The following RIMS2 variants were observed in gnomAD, a reference collection of about 807,000 sequenced individuals.
RIMS2 encodes the protein regulating synaptic membrane exocytosis protein 2.
A neutral mutation model predicts 174.4 loss-of-function variants in RIMS2; 59 were observed. That is an observed-to-expected ratio of 0.34 (90% confidence interval 0.27 to 0.42). RIMS2 has a LOEUF of 0.42. Ranked by LOEUF, RIMS2 falls within the 10% of genes least tolerant of loss-of-function variation. The probability of loss-of-function intolerance (pLI) is 1.00; values close to 1 mark genes in which losing one functional copy is unlikely to be tolerated. For missense variants in RIMS2, 1,620 were observed against 1,666.3 expected (o/e 0.97, Z 0.48); for synonymous variants, 606 against 572.5 (o/e 1.06, Z -0.84).
At chr8:104,184,501 T>C (rs1396083572) in intron 19 of RIMS2, among the ~76,000 whole-genome samples, 1 of 151,602 alleles carries the variant, frequency 6.6e-6, no homozygotes, top group African/African-American at 2.4e-5. Context: ...ACAATGTTTT[T>C]ATTGAAAAGC....
intron 2 of RIMS2, among the ~76,000 whole-genome samples, chr8:103,764,570 C>G (rs1479804903): frequency 6.6e-6 from 1 of 152,068 alleles, no homozygotes; most frequent in African/African-American, 2.4e-5. Flanking sequence ...TCTATTAAAA[C>G]TAATTATAGC....
chr8:103,801,826 G>A (rs762481749), intron 3 of RIMS2, among the ~76,000 whole-genome samples: 18 of 152,120 alleles, frequency 1.2e-4, no homozygotes, highest in Non-Finnish European at 2.5e-4. Flanking sequence ...TGAAGCACTT[G>A]CTTTTCAATA....
chr8:103,548,119 C>G (rs1050753054), intron 1 of RIMS2, among the ~76,000 whole-genome samples: 1 of 152,100 alleles, frequency 6.6e-6, no homozygotes. Context: ...TGAAACTATT[C>G]CAAAACAACT....
chr8:103,768,027 C>G (rs1006414312), intron 3 of RIMS2, among the ~76,000 whole-genome samples: 1 of 152,116 alleles, frequency 6.6e-6, no homozygotes, highest in African/African-American at 2.4e-5. Context: ...CAAACACTTA[C>G]AGTCAGCAGA....
chr8:103,595,325 C>T (rs1193343145), intron 1 of RIMS2, among the ~76,000 whole-genome samples: 9 of 151,738 alleles, frequency 5.9e-5, no homozygotes, highest in Non-Finnish European at 8.9e-5. Flanking sequence ...CTTACAAATA[C>T]AGTAAAAGGT....
At chr8:103,681,170 A>T (rs929557269) in intron 1 of RIMS2, among the ~76,000 whole-genome samples, 2 of 152,146 alleles carry the variant, frequency 1.3e-5, no homozygotes, top group East Asian at 3.9e-4. Context: ...ACAACACTAA[A>T]TTTGGATTTG....
At chr8:103,579,066 TACACAAAAACTGG>T (rs1285149488) in intron 1 of RIMS2, among the ~76,000 whole-genome samples, 2 of 151,818 alleles carry the variant, frequency 1.3e-5, no homozygotes. Context: ...CTTTCCCAGA[TACACAAAAACTGG>T]GAGAATTCAC....
rs565446815 is a variant in RIMS2, at chr8:103,966,137, G to A, written c.2770+5004G>A. 5.9e-5 allele frequency among the ~76,000 whole-genome samples: 9 copies of A among 152,090 alleles called. No individual in the cohort carries two copies. The East Asian group carries it at 1.5e-3, about 26-fold the overall frequency. Reference sequence around the variant, plus strand: ...TGGTTTTGATATTGAGGTAATACTGGCCTTATAAAATGAGTTAGAGAGTAG... The same window carrying A: ...TGGTTTTGATATTGAGGTAATACTGACCTTATAAAATGAGTTAGAGAGTAG... On this transcript the variant is annotated intron_variant, in intron 15 of 23. Coordinates refer to ENST00000504942, the Ensembl canonical transcript of RIMS2.
intron 19 of RIMS2, chr8:104,223,419 C>T: frequency 7.8e-7 from 1 of 1,283,066 alleles, no homozygotes; most frequent in Non-Finnish European, 9.8e-7. Flanking sequence ...CTCCGCCCGC[C>T]ACCGCCTCCA....
At chr8:104,217,307 T>C (rs972208567) in intron 19 of RIMS2, among the ~76,000 whole-genome samples, 3 of 152,130 alleles carry the variant, frequency 2.0e-5, no homozygotes, top group African/African-American at 4.8e-5. Context: ...CCTGCTTTGT[T>C]ACCCAGGCTG....
chr8:103,980,110 A>T (rs546167116), intron 16 of RIMS2, among the ~76,000 whole-genome samples: 1 of 152,290 alleles, frequency 6.6e-6, no homozygotes, highest in East Asian at 1.9e-4. Flanking sequence ...GCATGGCTAA[A>T]GGAGTGCTAG....
At chr8:104,146,207 A>G (rs1411784763) in intron 19 of RIMS2, among the ~76,000 whole-genome samples, 2 of 76,530 alleles carry the variant, frequency 2.6e-5, no homozygotes, top group South Asian at 1.5e-3. Context: ...CCTCTCCCAA[A>G]AAAAAAAAAA....
At chr8:103,753,364 G>A (rs991414260) in intron 2 of RIMS2, among the ~76,000 whole-genome samples, 11 of 152,100 alleles carry the variant, frequency 7.2e-5, no homozygotes, top group African/African-American at 2.7e-4. Context: ...TTTTTGCATC[G>A]ATGTTCATCA....
chr8:103,746,522 G>A (rs1174222998), intron 2 of RIMS2, among the ~76,000 whole-genome samples: 2 of 151,928 alleles, frequency 1.3e-5, no homozygotes, highest in Non-Finnish European at 2.9e-5. Flanking sequence ...GTGTCAGGGG[G>A]GTTCATTGTG....
intron 4 of RIMS2, among the ~76,000 whole-genome samples, chr8:103,907,519 C>T (rs1406144748): frequency 1.3e-5 from 2 of 151,758 alleles, no homozygotes; most frequent in African/African-American, 4.8e-5. Context: ...CTCCCTCCTT[C>T]CTTCCTTTTT....
chr8:103,610,530 T>C (rs1284214869), intron 1 of RIMS2, among the ~76,000 whole-genome samples: 2 of 152,228 alleles, frequency 1.3e-5, no homozygotes, highest in African/African-American at 4.8e-5. Context: ...ATTGCAGGTT[T>C]TTAACATGAA....
At chr8:104,067,368 A>G (rs778609554) in intron 19 of RIMS2, among the ~76,000 whole-genome samples, 10 of 152,152 alleles carry the variant, frequency 6.6e-5, no homozygotes, top group Non-Finnish European at 1.3e-4. Context: ...TGAGAAATGG[A>G]ATATTCCTAT....
At chr8:103,650,945 C>A (rs754568076) in intron 1 of RIMS2, among the ~76,000 whole-genome samples, 9 of 152,218 alleles carry the variant, frequency 5.9e-5, no homozygotes, top group Non-Finnish European at 8.8e-5. Flanking sequence ...ACTTTGCTCC[C>A]TGGACTCAGT....
At chr8:104,074,035 A>G (rs571606129) in intron 19 of RIMS2, among the ~76,000 whole-genome samples, 49 of 152,350 alleles carry the variant, frequency 3.2e-4, no homozygotes, top group African/African-American at 1.2e-3. Context: ...GTTTCATTTG[A>G]TTAGCACTTA....
Sources: allele counts gnomAD v4.1 joint callset (sites outside exome capture counted in the v4.1 genomes callset), GRCh38; gene constraint gnomAD v4.1.1; transcripts MANE v1.5; gene names NCBI Gene and HGNC (gene_info 2026-07-23, HGNC 2026-07-21).